The following EYS variants were observed in gnomAD, a reference collection of about 807,000 sequenced individuals.
EYS encodes EGF-like photoreceptor maintenance factor, also known as protein eyes shut homolog.
Under a neutral mutation model 282.1 loss-of-function variants are expected in EYS, and 250 were observed. The ratio of observed to expected loss-of-function variants is 0.89; its 90% CI spans 0.80 to 0.98. The LOEUF (loss-of-function observed/expected upper bound fraction) is 0.98, where lower values mean the gene tolerates loss of function less well. Among genes scored for constraint, EYS ranks in the 50% least tolerant of loss-of-function variants. The pLI is 0.00. For synonymous variants in EYS, 1,355 were observed against 1,282.9 expected (o/e 1.06, Z -1.20); for missense variants, 4,016 against 3,709.0 (o/e 1.08, Z -2.15).
At chr6:65,446,619 G>A (rs1768667201) in intron 5 of EYS, among the ~76,000 whole-genome samples, 1 of 151,690 alleles carries the variant, frequency 6.6e-6, no homozygotes, top group Non-Finnish European at 1.5e-5. Context: ...TTGAGAGAAA[G>A]CTGAAAAAGC....
At chr6:64,272,372 T>C (rs1035762055) in intron 30 of EYS, among the ~76,000 whole-genome samples, 4 of 152,186 alleles carry the variant, frequency 2.6e-5, no homozygotes, top group South Asian at 2.1e-4. Flanking sequence ...ATAGTGTTGA[T>C]GGTCTTTACA....
intron 24 of EYS, among the ~76,000 whole-genome samples, chr6:64,601,467 T>C (rs1766758896): frequency 1.3e-5 from 2 of 152,020 alleles, no homozygotes; most frequent in Non-Finnish European, 1.5e-5. Context: ...CTCCCTGATT[T>C]TTCATTATCT....
chr6:64,057,384 T>C (rs1360462162), intron 33 of EYS, among the ~76,000 whole-genome samples: 1 of 151,824 alleles, frequency 6.6e-6, no homozygotes, highest in Non-Finnish European at 1.5e-5. Flanking sequence ...TAAGGTTTTT[T>C]TTTTTTTTTT....
chr6:64,384,687 C>T (rs1461313935), intron 29 of EYS, among the ~76,000 whole-genome samples: 1 of 152,114 alleles, frequency 6.6e-6, no homozygotes, highest in Non-Finnish European at 1.5e-5. Context: ...AAAGCACTAC[C>T]AAGGAAAGTG....
chr6:64,169,152 G>C (rs1764395509), intron 31 of EYS, among the ~76,000 whole-genome samples: 1 of 152,124 alleles, frequency 6.6e-6, no homozygotes, highest in South Asian at 2.1e-4. Flanking sequence ...CTGGCACCTA[G>C]AACAGTTTCT....
chr6:63,940,569 G>C (rs796066662), intron 35 of EYS, among the ~76,000 whole-genome samples: 6 of 152,102 alleles, frequency 3.9e-5, no homozygotes, highest in African/African-American at 1.4e-4. Context: ...AATGTAGTAT[G>C]GCTTAAAAAA....
intron 15 of EYS, among the ~76,000 whole-genome samples, chr6:64,935,880 T>A (rs1467219248): frequency 4.6e-5 from 7 of 151,682 alleles, no homozygotes; most frequent in Admixed American, 1.3e-4. Context: ...GTTTACAGAA[T>A]AATGAACACC....
chr6:65,282,583 CT>C, intron 12 of EYS, among the ~76,000 whole-genome samples: 1 of 151,884 alleles, frequency 6.6e-6, no homozygotes, highest in Non-Finnish European at 1.5e-5. Context: ...GAACAGAAAA[CT>C]TTAACTTGGA....
rs1048067237 is a variant in EYS, at chr6:65,585,152, C to T, written c.-333+54626G>A. On this transcript the variant is annotated intron_variant, in intron 2 of 42. Transcript: ENST00000503581. ...AAATACTTACAATAAAGCATTAATT[C>T]GATAATTCAAGAATGCCAATATAAA... 2.0e-4 allele frequency among the ~76,000 whole-genome samples: 31 copies of T among 151,504 alleles called. 1 individual carries two copies. The highest frequency in any genetic ancestry group is 7.0e-4 in the African/African-American group (29 of 41,312).
At chr6:64,015,788 A>G (rs1050027619) in intron 33 of EYS, among the ~76,000 whole-genome samples, 3 of 152,226 alleles carry the variant, frequency 2.0e-5, no homozygotes, top group African/African-American at 4.8e-5. Context: ...GGGCACCTGC[A>G]TCAGCAGCAT....
In EYS at chr6:65,024,541, C is replaced by T. The variant is rs1026731833; in HGVS notation, c.2138-26838G>A. 3.9e-5 allele frequency among the ~76,000 whole-genome samples: 6 copies of T among 152,074 alleles called. No homozygotes were observed. In the South Asian group the frequency reaches 6.2e-4, roughly 16 times the overall value. ...GTGCTTCAGTTTTTCAGAATTCATG[C>T]GTCACGAATGTGGTTTACTTCTTCA... is the stretch of plus-strand genomic sequence containing the variant. On this transcript the variant is annotated intron_variant, in intron 13 of 42. Coordinates refer to ENST00000503581, the MANE Select transcript of EYS (RefSeq NM_001142800.2).
At chr6:63,978,255 G>A (rs751176921) in intron 35 of EYS, among the ~76,000 whole-genome samples, 42 of 151,912 alleles carry the variant, frequency 2.8e-4, no homozygotes, top group African/African-American at 8.0e-4. Flanking sequence ...AGTTCTTACC[G>A]AAAACCTGGT....
At chr6:63,858,360 C>T (rs961390577) in intron 36 of EYS, among the ~76,000 whole-genome samples, 1 of 152,172 alleles carries the variant, frequency 6.6e-6, no homozygotes, top group Admixed American at 6.5e-5. Context: ...ATGCCTGGCC[C>T]ATCAAAGCTA....
At chr6:63,833,970 T>C (rs1440530779) in intron 36 of EYS, among the ~76,000 whole-genome samples, 2 of 152,236 alleles carry the variant, frequency 1.3e-5, no homozygotes, top group Non-Finnish European at 2.9e-5. Flanking sequence ...AAGGATTCCC[T>C]ATTTAATAAA....
intron 29 of EYS, among the ~76,000 whole-genome samples, chr6:64,342,036 A>T (rs1480446263): frequency 1.3e-5 from 2 of 151,624 alleles, no homozygotes; most frequent in African/African-American, 4.8e-5. Flanking sequence ...CACAATAGAA[A>T]CTAGATTTCT....
chr6:64,373,166 C>T (rs114470169), intron 29 of EYS, among the ~76,000 whole-genome samples: 4,735 of 152,118 alleles, frequency 0.031, 232 homozygotes, highest in African/African-American at 0.11. Context: ...AGTTATTGTG[C>T]TGTTTTTTCC....
chr6:65,032,791 T>C (rs1373862628), intron 13 of EYS, among the ~76,000 whole-genome samples: 4 of 152,002 alleles, frequency 2.6e-5, no homozygotes, highest in African/African-American at 9.7e-5. Flanking sequence ...TACTTGCAGA[T>C]GTGGAAGCAG....
chr6:64,729,641 A>C (rs1194130516), intron 22 of EYS, among the ~76,000 whole-genome samples: 2 of 152,242 alleles, frequency 1.3e-5, no homozygotes, highest in Non-Finnish European at 2.9e-5. Flanking sequence ...ATTGGCAAGC[A>C]GGTTGGTAAG....
intron 11 of EYS, chr6:65,330,217 C>T (rs1395795823): frequency 2.1e-6 from 2 of 963,704 alleles, no homozygotes; most frequent in Admixed American, 6.2e-5. Flanking sequence ...TATCATGTCT[C>T]ATTGTCATAA....
Sources: gnomAD v4.1 joint callset for allele counts (sites outside exome capture counted in the v4.1 genomes callset) on GRCh38, gnomAD v4.1.1 for gene constraint, MANE v1.5 for transcripts, NCBI Gene and HGNC (gene_info 2026-07-23, HGNC 2026-07-21) for gene names.